Variants in MAP2K4 observed in about 807,000 individuals in gnomAD.
MAP2K4 encodes mitogen-activated protein kinase kinase 4.
In MAP2K4, 4 loss-of-function variants were observed where a neutral mutation model predicts 48.5. The ratio of observed to expected loss-of-function variants is 0.08; its 90% CI spans 0.04 to 0.19. MAP2K4 has a LOEUF of 0.19. Ranked by LOEUF, MAP2K4 falls within the 10% of genes least tolerant of loss-of-function variation. The pLI, the probability that MAP2K4 is intolerant of heterozygous loss-of-function variation, is 1.00. For missense variants in MAP2K4, 258 were observed against 493.3 expected, an observed-to-expected ratio of 0.52 and a Z score of 4.52; for synonymous variants, 166 against 173.1, an observed-to-expected ratio of 0.96 and a Z score of 0.32.
chr17:12,110,523 T>C (rs1343315299), intron 6 of MAP2K4, 97 bp downstream of exon 6: 5 of 841,606 alleles, frequency 5.9e-6, no homozygotes, highest in Non-Finnish European at 9.6e-6. Flanking sequence ...GTATAAACTT[T>C]CCTAAAATAT....
intron 9 of MAP2K4, among the ~76,000 whole-genome samples, chr17:12,134,338 A>C (rs751157549): frequency 6.6e-6 from 1 of 152,246 alleles, no homozygotes; most frequent in Non-Finnish European, 1.5e-5. Flanking sequence ...TGTCACAGAA[A>C]AAAAAACAAG....
intron 3 of MAP2K4, among the ~76,000 whole-genome samples, chr17:12,082,688 T>G (rs28923186): frequency 6.6e-5 from 10 of 152,190 alleles, no homozygotes; most frequent in African/African-American, 2.4e-4. Context: ...AAATTAGTGG[T>G]AGGGAAAATT....
chr17:12,045,788 A>G (rs1969942182), intron 1 of MAP2K4, among the ~76,000 whole-genome samples: 1 of 152,154 alleles, frequency 6.6e-6, no homozygotes, highest in Non-Finnish European at 1.5e-5. Context: ...GTACATAGAA[A>G]ATTTTGTTGG....
chr17:12,125,012 T>C (rs1597493313), intron 7 of MAP2K4: 7 of 385,880 alleles, frequency 1.8e-5, no homozygotes, highest in South Asian at 1.7e-4. Flanking sequence ...TTTCTTCCTT[T>C]GTCTCCCTCT....
intron 10 of MAP2K4, among the ~76,000 whole-genome samples, chr17:12,140,295 C>T (rs1973336636): frequency 6.6e-6 from 1 of 152,144 alleles, no homozygotes; most frequent in African/African-American, 2.4e-5. Flanking sequence ...AGTTCTCATT[C>T]ATCCCATGGA....
chr17:12,029,247 A>C (rs958868251), intron 1 of MAP2K4, among the ~76,000 whole-genome samples: 1 of 152,172 alleles, frequency 6.6e-6, no homozygotes, highest in African/African-American at 2.4e-5. Flanking sequence ...AAAAACCCTC[A>C]TGTAGCTTTA....
At chr17:12,113,483 A>T in intron 7 of MAP2K4, 123 bp downstream of exon 7, 1 of 1,207,468 alleles carries the variant, frequency 8.3e-7, no homozygotes, top group East Asian at 2.4e-5. Context: ...CCTTACCCTA[A>T]GGCCCAAGCT....
At chr17:12,050,103 G>T (rs760586435) in intron 1 of MAP2K4, among the ~76,000 whole-genome samples, 52 of 152,220 alleles carry the variant, frequency 3.4e-4, no homozygotes, top group Non-Finnish European at 5.0e-4. Flanking sequence ...ATTCTTACAG[G>T]CTGGGTGGGA....
At chr17:12,134,898 T>G (rs1020481905) in intron 9 of MAP2K4, among the ~76,000 whole-genome samples, 3 of 152,112 alleles carry the variant, frequency 2.0e-5, no homozygotes, top group African/African-American at 7.2e-5. Flanking sequence ...CTGGATAAGC[T>G]TTTTATTTTA....
chr17:12,125,887 A>G (rs986658051), intron 8 of MAP2K4, among the ~76,000 whole-genome samples: 3 of 152,256 alleles, frequency 2.0e-5, no homozygotes, highest in South Asian at 2.1e-4. Context: ...TTGAGGGACA[A>G]TATATTAGTC....
At chr17:12,040,509 G>C (rs1270944129) in intron 1 of MAP2K4, among the ~76,000 whole-genome samples, 2 of 152,182 alleles carry the variant, frequency 1.3e-5, no homozygotes, top group African/African-American at 4.8e-5. Context: ...AATCTTTGCA[G>C]ATAATCAAAA....
chr17:12,101,053 A>C (rs1292615885), intron 4 of MAP2K4, among the ~76,000 whole-genome samples: 2 of 151,972 alleles, frequency 1.3e-5, no homozygotes, highest in Admixed American at 6.6e-5. Context: ...GGAGAGCAAA[A>C]GTTTTTAATG....
At chr17:12,076,046 C>T (rs1275533106) in intron 2 of MAP2K4, among the ~76,000 whole-genome samples, 1 of 152,084 alleles carries the variant, frequency 6.6e-6, no homozygotes, top group Non-Finnish European at 1.5e-5. Flanking sequence ...ACTGGTACTG[C>T]TGCTGAATTT....
chr17:12,129,675 G>C (rs1404512811), intron 9 of MAP2K4, among the ~76,000 whole-genome samples: 1 of 152,224 alleles, frequency 6.6e-6, no homozygotes, highest in Non-Finnish European at 1.5e-5. Flanking sequence ...GAGCTTGCCA[G>C]ATCAGACTTT....
chr17:12,065,277 T>G (rs1432357475), intron 2 of MAP2K4, among the ~76,000 whole-genome samples: 6 of 143,216 alleles, frequency 4.2e-5, no homozygotes, highest in South Asian at 2.2e-4. Context: ...TTATTATTAT[T>G]ATTATTATTA....
intron 2 of MAP2K4, among the ~76,000 whole-genome samples, chr17:12,079,277 G>A (rs1015161437): frequency 4.6e-5 from 7 of 152,142 alleles, no homozygotes; most frequent in African/African-American, 1.7e-4. Context: ...TAAACTATTA[G>A]TAGAGATATT....
At chr17:12,095,508 T>C in intron 3 of MAP2K4, 67 bp from the exon 4 acceptor site, 1 of 1,591,808 alleles carries the variant, frequency 6.3e-7, no homozygotes, top group South Asian at 1.1e-5. Context: ...ACCATGAGAC[T>C]AAAAATTATT....
rs548052556 is a variant in MAP2K4, at chr17:12,077,071, A to G, written c.219-4285A>G. Among the ~76,000 whole-genome samples, 4 of 152,352 alleles carry G rather than the reference A, an allele frequency of 2.6e-5. No homozygotes were observed. In the South Asian group the frequency reaches 6.2e-4, roughly 24 times the overall value. ...TTAACCAGGGTATCAAACATCAGGAATGAGTTCAGGAGAACGGAAACATCT... is the reference window on the plus strand; with the variant it reads ...TTAACCAGGGTATCAAACATCAGGAGTGAGTTCAGGAGAACGGAAACATCT... On this transcript the variant is annotated intron_variant, in intron 2 of 10. Coordinates refer to ENST00000353533, the MANE Select transcript of MAP2K4 (RefSeq NM_003010.4).
chr17:12,025,650 A>T (rs763111813), intron 1 of MAP2K4, among the ~76,000 whole-genome samples: 2 of 152,136 alleles, frequency 1.3e-5, no homozygotes, highest in Non-Finnish European at 2.9e-5. Flanking sequence ...GTCCTTAGCT[A>T]TTTACCCTTA....
Sources: allele counts gnomAD v4.1 joint callset (sites outside exome capture counted in the v4.1 genomes callset), GRCh38; gene constraint gnomAD v4.1.1; transcripts MANE v1.5; gene names NCBI Gene and HGNC (gene_info 2026-07-23, HGNC 2026-07-21).